Variants in SLC6A16 observed in about 807,000 individuals in gnomAD.
The protein encoded by SLC6A16 is solute carrier family 6 member 16, also known as orphan sodium- and chloride-dependent neurotransmitter transporter NTT5.
In SLC6A16, 54 loss-of-function variants were observed where a neutral mutation model predicts 65.4. The observed-to-expected ratio is 0.83, with a 90% confidence interval of 0.66 to 1.04. SLC6A16 has a LOEUF of 1.04. SLC6A16 is among the 50% of genes least tolerant of loss of function. SLC6A16 has a pLI of 0.00. For synonymous variants in SLC6A16, 330 were observed against 346.5 expected (o/e 0.95, Z 0.53); for missense variants, 816 against 914.0 (o/e 0.89, Z 1.38).
intron 7 of SLC6A16, among the ~76,000 whole-genome samples, chr19:49,307,609 T>C (rs1970417579): frequency 6.7e-6 from 1 of 150,150 alleles, no homozygotes; most frequent in African/African-American, 2.5e-5. Context: ...GGCAGGAGGA[T>C]GGCTTGAGCC....
At position 49,293,978 on chromosome 19, in the gene SLC6A16, G is replaced by A; in HGVS notation, c.1467C>T (p.Ser489=). The A allele has an allele frequency of 6.2e-7, 1 of 1,613,588 alleles. No individual in the cohort carries two copies. Among genetic ancestry groups the A allele is most frequent in the Non-Finnish European group, 8.5e-7 (1 of 1,180,016 alleles). Reference sequence around the variant, plus strand: ...ACCAGAAGACAGACGGAGGAAGGAAGGACATGGCTTCAACAAAGGACAGGA... The same window carrying A: ...ACCAGAAGACAGACGGAGGAAGGAAAGACATGGCTTCAACAAAGGACAGGA... The part of the protein sequence containing the change: ...FAFLSFVEAM[S]FLPPSVFWSF... The change falls in exon 9 of 12, where the codon TCC becomes TCT. Residue 489 remains serine, a synonymous_variant. Transcript: ENST00000335875.
At chr19:49,319,641 G>A (rs1045943031) in intron 1 of SLC6A16, among the ~76,000 whole-genome samples, 1 of 151,786 alleles carries the variant, frequency 6.6e-6, no homozygotes, top group African/African-American at 2.4e-5. Context: ...ACCCCACTAC[G>A]AACAATGGAC....
chr19:49,293,991 A>C lies in SLC6A16; in HGVS notation c.1454T>G (p.Val485Gly). 1 of 1,613,382 alleles carries C rather than the reference A, an allele frequency of 6.2e-7. No individual in the cohort carries two copies. Among genetic ancestry groups the C allele is most frequent in the Non-Finnish European group, 8.5e-7 (1 of 1,180,034 alleles). Residue 485 changes from valine (V) to glycine (G), a missense_variant, in exon 9 of 12, where the codon GTT (valine) becomes GGT (glycine). By Grantham distance (109) the Val-to-Gly change is moderately radical. Transcript: ENST00000335875. ...EGPKFAFLSF[V>G]EAMSFLPPSV... ...CGGAGGAAGGAAGGACATGGCTTCAACAAAGGACAGGAATGCAAACTTTGG... is the reference window on the plus strand; with the variant it reads ...CGGAGGAAGGAAGGACATGGCTTCACCAAAGGACAGGAATGCAAACTTTGG...
In SLC6A16 at chr19:49,309,005, G is replaced by C; in HGVS notation, c.1100C>G (p.Ser367Cys). 6.2e-7 allele frequency: 1 copy of C among 1,614,192 alleles called. No individual in the cohort carries two copies. Among genetic ancestry groups the C allele is most frequent in the Non-Finnish European group, 8.5e-7 (1 of 1,180,040 alleles). Residue 367 changes from serine to cysteine, a missense_variant, in exon 7 of 12, where the codon TCC becomes TGC. Physicochemically the swap from Ser to Cys is moderately radical, Grantham distance 112. Transcript: ENST00000335875. ...VASLASYMPQSNNCLSDAFLV... is the reference protein window; with the variant it reads ...VASLASYMPQCNNCLSDAFLV... ...AAAGGCATCACTGAGACAGTTGTTG[G>C]ACTGGGGCATGTAGGAGGCTAAGGA...
the SLC6A16 span, among the ~76,000 whole-genome samples, chr19:49,332,981 G>C: frequency 6.6e-6 from 1 of 152,132 alleles, no homozygotes; most frequent in African/African-American, 2.4e-5. Flanking sequence ...GGCCAACATG[G>C]TGAAACCCTG....
intron 1 of SLC6A16, among the ~76,000 whole-genome samples, chr19:49,312,349 G>A (rs989760631): frequency 6.6e-6 from 1 of 152,146 alleles, no homozygotes; most frequent in Non-Finnish European, 1.5e-5. Context: ...CCTCACCAGA[G>A]ATGCCTTCCC....
At position 49,294,471 on chromosome 19, in the gene SLC6A16, G is replaced by A; in HGVS notation, c.1312C>T (p.Pro438Ser). 6.2e-7 allele frequency: 1 copy of A among 1,614,066 alleles called. No individual in the cohort carries two copies. Among genetic ancestry groups the A allele is most frequent in the Non-Finnish European group, 8.5e-7 (1 of 1,180,008 alleles). ...AGCCAGGCATTGTAGATGGAGGTTGGGTTGTAAAGCAGGTTGACAGGGGGC... is the reference window on the plus strand; with the variant it reads ...AGCCAGGCATTGTAGATGGAGGTTGAGTTGTAAAGCAGGTTGACAGGGGGC... ...AKPPVNLLYN[P>S]TSIYNAWLSG... The change falls in exon 8 of 12, where the codon CCA becomes TCA. Residue 438 changes from proline (P) to serine (S), a missense_variant. Transcript: ENST00000335875.
intron 7 of SLC6A16, among the ~76,000 whole-genome samples, chr19:49,303,820 G>A (rs1001638042): frequency 2.0e-5 from 3 of 152,164 alleles, no homozygotes; most frequent in South Asian, 4.1e-4. Flanking sequence ...TTAAAACTTT[G>A]TATCTGTCAC....
At position 49,325,078 on chromosome 19, in the gene SLC6A16, A is replaced by G. The variant is rs1466625325; in HGVS notation, c.-95T>C. 2.0e-6 allele frequency: 2 copies of G among 985,444 alleles called. No individual in the cohort carries two copies. The highest frequency in any genetic ancestry group is 2.4e-6 in the Non-Finnish European group (2 of 830,070). The allele number at this position is 985,444 out of a possible 1,614,324, so 61.0% of individuals were successfully genotyped here. ...CCCCAAGGCTTCTGCCAGGTTCTTC[A>G]GTCCAGCCAGTCGGACAAAAATGAG... is the stretch of plus-strand genomic sequence containing the variant. On this transcript the variant is annotated 5_prime_UTR_variant, in exon 1 of 12. Coordinates refer to ENST00000335875, the MANE Select transcript of SLC6A16 (RefSeq NM_014037.3).
Position 49,314,796 on chromosome 19 carries a change from C to A in SLC6A16, c.-64-3385G>T, listed in dbSNP as rs1360911222. On this transcript the variant is annotated intron_variant, in intron 1 of 11. Coordinates refer to ENST00000335875, the MANE Select transcript of SLC6A16 (RefSeq NM_014037.3). ...CGTGAGGAAACACCAGAAAACAAATCTAAATTGAAGTACATTCTGTAAAAT... is the reference window on the plus strand; with the variant it reads ...CGTGAGGAAACACCAGAAAACAAATATAAATTGAAGTACATTCTGTAAAAT... Among the ~76,000 whole-genome samples, 4 of 152,102 alleles carry A rather than the reference C, an allele frequency of 2.6e-5. No homozygotes were observed. In the South Asian group the frequency reaches 6.2e-4, roughly 24 times the overall value.
At chr19:49,298,000 A>G (rs1173108107) in intron 7 of SLC6A16, among the ~76,000 whole-genome samples, 2 of 152,206 alleles carry the variant, frequency 1.3e-5, no homozygotes, top group African/African-American at 4.8e-5. Context: ...AAAAAGGTCT[A>G]ACAAATGAGA....
At chr19:49,339,597 T>A in the SLC6A16 span, 1 of 1,445,860 alleles carries the variant, frequency 6.9e-7, no homozygotes, top group Non-Finnish European at 9.0e-7. The surrounding 1 kb of genome is among the most constrained non-coding windows in gnomAD (Gnocchi z 4.5). Context: ...GAGCCCTGAT[T>A]GGGTGTACGC....
the SLC6A16 span, chr19:49,338,088 G>A: frequency 6.3e-7 from 1 of 1,589,584 alleles, no homozygotes; most frequent in Non-Finnish European, 8.6e-7. The surrounding 1 kb of genome is among the most constrained non-coding windows in gnomAD (Gnocchi z 5.0). Flanking sequence ...TGTGCTTGGA[G>A]GAGACTCCAC....
intron 1 of SLC6A16, among the ~76,000 whole-genome samples, chr19:49,320,606 C>T (rs1389481123): frequency 1.3e-5 from 2 of 151,740 alleles, no homozygotes; most frequent in East Asian, 1.9e-4. Context: ...ACAAAATTGA[C>T]AAACCTTTAA....
At chr19:49,327,079 ATTTT>A (rs200482962), upstream of SLC6A16, among the ~76,000 whole-genome samples, 1 of 145,030 alleles carries the variant, frequency 6.9e-6, no homozygotes, top group Non-Finnish European at 1.5e-5. Context: ...TTTCTATCGA[ATTTT>A]TTTTTTTTTT....
chr19:49,340,260 A>C, the SLC6A16 span: 1 of 1,613,444 alleles, frequency 6.2e-7, no homozygotes, highest in Middle Eastern at 1.6e-4. Flanking sequence ...GCTCGGGTTC[A>C]TGACGCTCTC....
chr19:49,329,100 GT>G (rs896360648), upstream of SLC6A16, among the ~76,000 whole-genome samples: 17 of 149,366 alleles, frequency 1.1e-4, no homozygotes, highest in South Asian at 1.1e-3. Context: ...TGTTTATTGT[GT>G]TTTTTTTTTG....
At chr19:49,335,793 G>C in the SLC6A16 span, 1 of 1,609,226 alleles carries the variant, frequency 6.2e-7, no homozygotes, top group East Asian at 2.2e-5. The surrounding 1 kb of genome is among the most constrained non-coding windows in gnomAD (Gnocchi z 4.6). Context: ...GTGGGTGAGG[G>C]GGGCTGGGGC....
At position 49,289,782 on chromosome 19, in the gene SLC6A16, T is replaced by C; in HGVS notation, c.*341A>G. 3.7e-6 allele frequency: 1 copy of C among 273,054 alleles called. No individual in the cohort carries two copies. The highest frequency in any genetic ancestry group is 6.9e-6 in the Non-Finnish European group (1 of 145,292). The allele number at this position is 273,054 out of a possible 1,614,324, so 16.9% of individuals were successfully genotyped here. On this transcript the variant is annotated 3_prime_UTR_variant, in exon 12 of 12. Coordinates refer to ENST00000335875, the MANE Select transcript of SLC6A16 (RefSeq NM_014037.3). ...TCCAGTCCTTGGAGTTCCAGTAGACTGATTTATTCACCAACAGCATTGCTC... is the reference window on the plus strand; with the variant it reads ...TCCAGTCCTTGGAGTTCCAGTAGACCGATTTATTCACCAACAGCATTGCTC...
Sources: allele counts gnomAD v4.1 joint callset (sites outside exome capture counted in the v4.1 genomes callset), GRCh38; gene constraint gnomAD v4.1.1; non-coding constraint Gnocchi (gnomAD v3.1); transcripts MANE v1.5; gene names NCBI Gene and HGNC (gene_info 2026-07-23, HGNC 2026-07-21).